PIWIL1: variants seen among roughly 807,000 people sequenced by gnomAD.
PIWIL1 encodes piwi like RNA-mediated gene silencing 1.
A neutral mutation model predicts 114.4 loss-of-function variants in PIWIL1; 73 were observed. The observed-to-expected ratio is 0.64, with a 90% confidence interval of 0.53 to 0.78. The LOEUF (loss-of-function observed/expected upper bound fraction) is 0.78. Ranked by LOEUF, PIWIL1 falls within the 30% of genes least tolerant of loss-of-function variation. PIWIL1 has a pLI of 0.00. For missense variants in PIWIL1, 723 were observed against 1,063.1 expected, an observed-to-expected ratio of 0.68 and a Z score of 4.45; for synonymous variants, 375 against 369.0, an observed-to-expected ratio of 1.02 and a Z score of -0.19.
chr12:130,354,389 G>A, intron 9 of PIWIL1, 148 bp from the exon 10 acceptor site: 1 of 909,406 alleles, frequency 1.1e-6, no homozygotes, highest in Non-Finnish European at 1.7e-6. Flanking sequence ...TAAAAAAAAT[G>A]CCTTTTTAAA....
intron 1 of PIWIL1, chr12:130,342,329 A>G: frequency 2.0e-6 from 1 of 505,202 alleles, no homozygotes; most frequent in South Asian, 3.0e-5. Context: ...CAAATGAAAA[A>G]CTAAGTCTTA....
intron 19 of PIWIL1, among the ~76,000 whole-genome samples, chr12:130,370,592 A>C (rs140066303): frequency 3.9e-5 from 6 of 152,324 alleles, no homozygotes; most frequent in African/African-American, 1.4e-4. Context: ...ATGGATGGCT[A>C]TACTTGGTTT....
chr12:130,388,070 A>G, the PIWIL1 span, among the ~76,000 whole-genome samples: 1 of 152,210 alleles, frequency 6.6e-6, no homozygotes, highest in East Asian at 1.9e-4. Context: ...TATGGAATGC[A>G]TAGTCGTTTT....
Position 130,371,764 on chromosome 12 carries a change from T to C in PIWIL1, c.*166T>C, listed in dbSNP as rs2073821989. ...GCATTGCTATTCACCGGCTTCCTTATTTTATACGTAAAAATTAAGATTTTA... is the reference window on the plus strand; with the variant it reads ...GCATTGCTATTCACCGGCTTCCTTACTTTATACGTAAAAATTAAGATTTTA... On this transcript the variant is annotated 3_prime_UTR_variant, in exon 21 of 21. Coordinates refer to ENST00000245255, the MANE Select transcript of PIWIL1 (RefSeq NM_004764.5). 3 of 442,914 alleles carry C rather than the reference T, an allele frequency of 6.8e-6. No individual in the cohort carries two copies. Among genetic ancestry groups the C allele is most frequent in the East Asian group, 3.6e-5 (1 of 27,898 alleles). 27.4% of individuals were successfully genotyped at this position (442,914 alleles called of 1,614,324 possible).
chr12:130,373,597 G>T (rs1378839260), downstream of PIWIL1, among the ~76,000 whole-genome samples: 1 of 152,080 alleles, frequency 6.6e-6, no homozygotes, highest in Admixed American at 6.6e-5. Context: ...CACCTGGTTG[G>T]GTTTGTGATA....
At chr12:130,376,593 C>A (rs553303113), downstream of PIWIL1, among the ~76,000 whole-genome samples, 1 of 152,206 alleles carries the variant, frequency 6.6e-6, no homozygotes, top group Non-Finnish European at 1.5e-5. Context: ...CTTCATCCTT[C>A]CAAATGTTCA....
At chr12:130,352,444 C>T (rs773555783) in intron 9 of PIWIL1, among the ~76,000 whole-genome samples, 44 of 152,102 alleles carry the variant, frequency 2.9e-4, no homozygotes, top group Admixed American at 5.2e-4. Context: ...TCTGGGAGGC[C>T]GAGGTGGGTG....
chr12:130,338,837 G>C (rs1251484937), intron 1 of PIWIL1, among the ~76,000 whole-genome samples: 1 of 134,282 alleles, frequency 7.4e-6, no homozygotes, highest in Non-Finnish European at 1.6e-5. Context: ...CCGACTTGCC[G>C]GGGCTGTAGG....
the PIWIL1 span, chr12:130,406,296 T>C: frequency 5.6e-6 from 7 of 1,252,774 alleles, no homozygotes; most frequent in African/African-American, 1.5e-5. Flanking sequence ...ACAGTAGTAG[T>C]TTTTTAAAAA....
chr12:130,341,019 A>G lies in PIWIL1; in HGVS notation c.-12-1561A>G, dbSNP rs148717872. Among the ~76,000 whole-genome samples, 1,087 of 152,310 alleles carry G rather than the reference A, an allele frequency of 7.1e-3. 10 individuals carry two copies. Among genetic ancestry groups the G allele is most frequent in the Middle Eastern group, 0.048 (14 of 294 alleles). On this transcript the variant is annotated intron_variant, in intron 1 of 20. Transcript: ENST00000245255. ...TGGCATTAGATTTATCTTTCTGTGA[A>G]GATCATGAAGCCAAGAATTTTAGAA...
the PIWIL1 span, chr12:130,383,629 A>G: frequency 1.3e-5 from 2 of 152,184 alleles, no homozygotes; most frequent in Non-Finnish European, 2.9e-5. Context: ...CGCTTTTTAA[A>G]TGCACGTACC....
the PIWIL1 span, among the ~76,000 whole-genome samples, chr12:130,421,674 G>T: frequency 7.7e-6 from 1 of 130,306 alleles, no homozygotes; most frequent in South Asian, 2.3e-4. Flanking sequence ...TGTATCAAGA[G>T]TTCTCCCTGC....
chr12:130,417,299 C>T, the PIWIL1 span, among the ~76,000 whole-genome samples: 2 of 152,152 alleles, frequency 1.3e-5, no homozygotes, highest in Non-Finnish European at 2.9e-5. Context: ...ATATGGTGAT[C>T]GCAGCACTGT....
chr12:130,422,545 G>T, the PIWIL1 span: 3 of 1,608,736 alleles, frequency 1.9e-6, no homozygotes, highest in Non-Finnish European at 2.5e-6. This position sits in a 1 kb window ranked among gnomAD's most constrained non-coding sequence, Gnocchi z 5.2. Flanking sequence ...TCCTGCAGAG[G>T]CTGGGTTCCC....
At chr12:130,358,359 G>T (rs2073421059) in intron 14 of PIWIL1, among the ~76,000 whole-genome samples, 1 of 152,182 alleles carries the variant, frequency 6.6e-6, no homozygotes, top group African/African-American at 2.4e-5. Flanking sequence ...GTAATCTGTA[G>T]CGCAGTTATT....
At chr12:130,424,403 C>T in the PIWIL1 span, 42 of 1,232,606 alleles carry the variant, frequency 3.4e-5, no homozygotes, top group South Asian at 8.2e-5. This position sits in a 1 kb window ranked among gnomAD's most constrained non-coding sequence, Gnocchi z 9.8. Flanking sequence ...GGGCCAGCAG[C>T]GGCCTCGGGC....
the PIWIL1 span, chr12:130,425,768 C>T: frequency 6.6e-6 from 1 of 152,384 alleles, no homozygotes; most frequent in Non-Finnish European, 1.5e-5. Flanking sequence ...CAAAGCGTGC[C>T]CCTGGGTCCT....
the PIWIL1 span, among the ~76,000 whole-genome samples, chr12:130,405,994 T>TA: frequency 3.3e-5 from 5 of 152,232 alleles, no homozygotes; most frequent in African/African-American, 1.2e-4. Context: ...GTCCCAACTT[T>TA]CTAGATTATC....
chr12:130,373,248 G>A (rs537625877), downstream of PIWIL1, among the ~76,000 whole-genome samples: 16 of 152,276 alleles, frequency 1.1e-4, no homozygotes, highest in South Asian at 3.3e-3. Flanking sequence ...CTAGCATTAA[G>A]GAATATAAGG....
Sources: gnomAD v4.1 joint callset for allele counts (sites outside exome capture counted in the v4.1 genomes callset) on GRCh38, gnomAD v4.1.1 for gene constraint, Gnocchi (gnomAD v3.1) non-coding constraint, MANE v1.5 for transcripts, NCBI Gene and HGNC (gene_info 2026-07-23, HGNC 2026-07-21) for gene names.